The following HS3ST6 variants were observed in gnomAD, a reference collection of about 807,000 sequenced individuals.
HS3ST6 encodes heparan sulfate glucosamine 3-O-sulfotransferase 6.
In HS3ST6, 13 loss-of-function variants were observed where a neutral mutation model predicts 11.0. The ratio of observed to expected loss-of-function variants is 1.18; its 90% CI spans 0.77 to 1.88. The LOEUF (loss-of-function observed/expected upper bound fraction) is 1.88. HS3ST6 is among the 40% of genes most tolerant of loss of function. HS3ST6 has a pLI of 0.00. For synonymous variants in HS3ST6, 232 were observed against 230.6 expected, an observed-to-expected ratio of 1.01 and a Z score of -0.06; for missense variants, 541 against 494.4, an observed-to-expected ratio of 1.09 and a Z score of -0.89.
At chr16:1,920,129 T>C (rs796977950), upstream of HS3ST6, among the ~76,000 whole-genome samples, 41 of 38,440 alleles carry the variant, frequency 1.1e-3, no homozygotes, top group African/African-American at 1.7e-3. Flanking sequence ...GCCGTCCCCA[T>C]GGTCTCAGCC....
At chr16:1,919,387 CCAGCAG>C (rs1455058093), upstream of HS3ST6, among the ~76,000 whole-genome samples, 3 of 152,176 alleles carry the variant, frequency 2.0e-5, 1 homozygote, top group African/African-American at 7.2e-5. Flanking sequence ...TCCCCAACGC[CCAGCAG>C]CAGCCTGCAG....
rs2150842712 is a variant in HS3ST6 at position 1,911,995 on chromosome 16, G to A, written c.624C>T (p.Ala208=). 1 of 1,536,194 alleles carries A rather than the reference G, an allele frequency of 6.5e-7. No individual in the cohort carries two copies. Residue 208 remains alanine, a synonymous_variant, in exon 2 of 2, where the codon GCC becomes GCT. Coordinates refer to ENST00000454677, the MANE Select transcript of HS3ST6 (RefSeq NM_001009606.4). The part of the protein sequence containing the change: ...TPGLPSFRAL[A]FRHGLGPVDT... ...CCACGGGGCCCAGGCCGTGGCGGAA[G>A]GCCAGGGCGCGGAAGCTGGGCAGGC...
At position 1,912,024 on chromosome 16, in the gene HS3ST6, G is replaced by T; in HGVS notation, c.595C>A (p.Pro199Thr). 1 of 1,524,254 alleles carries T rather than the reference G, an allele frequency of 6.6e-7. No homozygotes were observed. The highest frequency in any genetic ancestry group is 8.8e-7 in the Non-Finnish European group (1 of 1,137,560). The allele number at this position is 1,524,254 out of a possible 1,614,324, so 94.4% of individuals were successfully genotyped here. A position where few individuals can be genotyped will look rare whatever the true frequency, so the allele number is the denominator to read the frequency against. The change falls in exon 2 of 2, where the codon CCG (proline) becomes ACG (threonine). Residue 199 changes from proline to threonine, a missense_variant. Pro to Thr is a conservative substitution (Grantham distance 38). Coordinates refer to ENST00000454677, the MANE Select transcript of HS3ST6 (RefSeq NM_001009606.4). The surrounding 1 kb of genome is among the most constrained non-coding windows in gnomAD (Gnocchi z 5.6). ...SDYAQTLSKT[P>T]GLPSFRALAF... ...AGGGCGCGGAAGCTGGGCAGGCCCG[G>T]GGTCTTGGAGAGCGTCTGGGCGTAG... is the stretch of plus-strand genomic sequence containing the variant.
At chr16:1,914,419 G>T (rs1208424292) in intron 1 of HS3ST6, among the ~76,000 whole-genome samples, 1 of 152,100 alleles carries the variant, frequency 6.6e-6, no homozygotes, top group Non-Finnish European at 1.5e-5. Flanking sequence ...AGAGAAACCA[G>T]GCCAGTGCTG....
chr16:1,915,711 G>T (rs887344192), intron 1 of HS3ST6, among the ~76,000 whole-genome samples: 1 of 152,246 alleles, frequency 6.6e-6, no homozygotes, highest in Non-Finnish European at 1.5e-5. Flanking sequence ...CTTCACTAGT[G>T]GGGGAACGGC....
intron 1 of HS3ST6, among the ~76,000 whole-genome samples, chr16:1,917,647 T>G (rs528765509): frequency 5.8e-4 from 88 of 152,312 alleles, no homozygotes; most frequent in Non-Finnish European, 1.0e-3. Context: ...CCCCCAGTCC[T>G]GCTGGGTCCC....
chr16:1,919,550 G>A (rs143666209), upstream of HS3ST6, among the ~76,000 whole-genome samples: 1,557 of 152,364 alleles, frequency 0.01, 9 homozygotes, highest in Non-Finnish European at 0.017. Context: ...CACGGCACAG[G>A]CTCCCGGCAG....
In HS3ST6 at chr16:1,912,245, C is replaced by G. The variant is rs1206593938; in HGVS notation, c.414-40G>C. 7.5e-7 allele frequency: 1 copy of G among 1,339,308 alleles called. No homozygotes were observed. The highest frequency in any genetic ancestry group is 9.6e-7 in the Non-Finnish European group (1 of 1,044,238). The allele number at this position is 1,339,308 out of a possible 1,614,324, so 83.0% of individuals were successfully genotyped here. On this transcript the variant is annotated intron_variant, in intron 1 of 1. Coordinates refer to ENST00000454677, the MANE Select transcript of HS3ST6 (RefSeq NM_001009606.4). The surrounding 1 kb of genome is among the most constrained non-coding windows in gnomAD (Gnocchi z 5.6). ...CAAGGAGAGGGGGCCTGAGCCTCCCCAGCCCTAGACCGGCCCCCAGGGGCC... is the reference window on the plus strand; with the variant it reads ...CAAGGAGAGGGGGCCTGAGCCTCCCGAGCCCTAGACCGGCCCCCAGGGGCC...
At chr16:1,920,257 G>A (rs1039916176), upstream of HS3ST6, among the ~76,000 whole-genome samples, 1 of 133,848 alleles carries the variant, frequency 7.5e-6, no homozygotes. Flanking sequence ...AGTCCCCACG[G>A]TCTCAGCAGT....
chr16:1,911,614 C>A lies in HS3ST6; in HGVS notation c.1005G>T (p.Thr335=). Residue 335 remains threonine, a synonymous_variant, in exon 2 of 2, where the codon ACG becomes ACT. Transcript: ENST00000454677. ...RPFNRRFYQM[T]GQDFGWG ...CTCAGCCCCAGCCGAAGTCCTGGCC[C>A]GTCATCTGGTAGAACCTGCGGTTGA... 2 of 1,606,426 alleles carry A rather than the reference C, an allele frequency of 1.2e-6. No individual in the cohort carries two copies. The highest frequency in any genetic ancestry group is 1.7e-6 in the Non-Finnish European group (2 of 1,176,778).
Position 1,911,710 on chromosome 16 carries a change from C to T in HS3ST6, c.909G>A (p.Lys303=), listed in dbSNP as rs751325100. The T allele has an allele frequency of 1.9e-6, 3 of 1,612,382 alleles. No individual in the cohort carries two copies. The highest frequency in any genetic ancestry group is 2.5e-6 in the Non-Finnish European group (3 of 1,179,204). Residue 303 remains lysine (K), a synonymous_variant, in exon 2 of 2, where the codon AAG becomes AAA. Coordinates refer to ENST00000454677, the MANE Select transcript of HS3ST6 (RefSeq NM_001009606.4). ...QGGSRPRCLG[K]SKGRPHPRVP... ...CGCGTGGGTGTGGCCGGCCCTTGGA[C>T]TTGCCCAGGCAGCGGGGACGGCTGC... is the stretch of plus-strand genomic sequence containing the variant.
At chr16:1,916,985 C>T (rs2150846159) in intron 1 of HS3ST6, among the ~76,000 whole-genome samples, 1 of 152,184 alleles carries the variant, frequency 6.6e-6, no homozygotes, top group South Asian at 2.1e-4. Context: ...CACACTGGCA[C>T]CAGCCCTTCA....
upstream of HS3ST6, among the ~76,000 whole-genome samples, chr16:1,919,878 A>G (rs1414410683): frequency 1.3e-5 from 2 of 152,220 alleles, no homozygotes; most frequent in Non-Finnish European, 2.9e-5. Flanking sequence ...GCACAATGCG[A>G]GGAGAGCATG....
chr16:1,913,167 C>T (rs759444542), intron 1 of HS3ST6, among the ~76,000 whole-genome samples: 12 of 152,206 alleles, frequency 7.9e-5, no homozygotes, highest in Non-Finnish European at 1.3e-4. Context: ...AAAAAGTTAC[C>T]AGCAGAGCCC....
chr16:1,917,777 G>GGGC, intron 1 of HS3ST6, 134 bp downstream of exon 1: 2 of 579,486 alleles, frequency 3.5e-6, no homozygotes, highest in Non-Finnish European at 5.2e-6. Context: ...GGCCCCCACA[G>GGGC]GGCGGTCCCA....
chr16:1,920,194 G>A (rs963307178), upstream of HS3ST6, among the ~76,000 whole-genome samples: 1,863 of 114,184 alleles, frequency 0.016, 49 homozygotes, highest in East Asian at 0.024. Context: ...GGTCTCAGCA[G>A]TCCCCACGGT....
At chr16:1,916,793 G>C (rs981779613) in intron 1 of HS3ST6, among the ~76,000 whole-genome samples, 1 of 131,928 alleles carries the variant, frequency 7.6e-6, no homozygotes, top group Non-Finnish European at 1.6e-5. Context: ...CCAGCTTCTA[G>C]CTTGGTAGCC....
At position 1,918,373 on chromosome 16, in the gene HS3ST6, A is replaced by G; in HGVS notation, c.-50T>C. 1 of 213,750 alleles carries G rather than the reference A, an allele frequency of 4.7e-6. No homozygotes were observed. The highest frequency in any genetic ancestry group is 8.0e-6 in the Non-Finnish European group (1 of 124,558). The allele number at this position is 213,750 out of a possible 1,614,324, so 13.2% of individuals were successfully genotyped here. On this transcript the variant is annotated 5_prime_UTR_variant, in exon 1 of 2. It removes an upstream start codon present in the reference 5' UTR. Coordinates refer to ENST00000454677, the MANE Select transcript of HS3ST6 (RefSeq NM_001009606.4). This position sits in a 1 kb window ranked among gnomAD's most constrained non-coding sequence, Gnocchi z 6.0. ...GAGCGGGGGCAGCAGGCGGGCGCGC[A>G]TCTCGGCCCGCGCGCCGCTCAGTCC...
At position 1,918,026 on chromosome 16, in the gene HS3ST6, T is replaced by G; in HGVS notation, c.298A>C (p.Lys100Gln). The change falls in exon 1 of 2, where the codon AAG becomes CAG. Residue 100 changes from lysine to glutamine, a missense_variant. By Grantham distance (53) the Lys-to-Gln change is moderately conservative. Transcript: ENST00000454677. This position sits in a 1 kb window ranked among gnomAD's most constrained non-coding sequence, Gnocchi z 6.0. The part of the protein sequence containing the change: ...FPQALIVGVK[K>Q]GGTRALLEFL... ...TCCAGCAGGGCGCGCGTGCCGCCCT[T>G]CTTCACGCCAACGATGAGCGCTTGC... is the stretch of plus-strand genomic sequence containing the variant. The G allele has an allele frequency of 6.5e-7, 1 of 1,532,930 alleles. No individual in the cohort carries two copies. Among genetic ancestry groups the G allele is most frequent in the African/African-American group, 1.4e-5 (1 of 71,414 alleles). The allele number at this position is 1,532,930 out of a possible 1,614,324, so 95.0% of individuals were successfully genotyped here.
Sources: allele counts gnomAD v4.1 joint callset (sites outside exome capture counted in the v4.1 genomes callset), GRCh38; gene constraint gnomAD v4.1.1; non-coding constraint Gnocchi (gnomAD v3.1); transcripts MANE v1.5; gene names NCBI Gene and HGNC (gene_info 2026-07-23, HGNC 2026-07-21).